Variants in CDC7 observed in about 807,000 individuals in gnomAD.
CDC7 encodes cell division cycle 7.
A neutral mutation model predicts 53.5 loss-of-function variants in CDC7; 34 were observed. The observed-to-expected ratio is 0.64, with a 90% confidence interval of 0.48 to 0.85. The LOEUF is 0.85. CDC7 is among the 40% of genes least tolerant of loss of function. CDC7 has a pLI of 0.00. For synonymous variants in CDC7, 211 were observed against 222.8 expected (o/e 0.95, Z 0.47); for missense variants, 594 against 679.7 (o/e 0.87, Z 1.40).
rs768854367 is a variant in CDC7 at position 91,508,394 on chromosome 1, C to T, written c.332C>T (p.Ala111Val). ...IAAELQCLTVAGGQDNVMGVK... is the reference protein window; with the variant it reads ...IAAELQCLTVVGGQDNVMGVK... ...GCTGAACTTCAGTGCCTAACAGTGGCTGGGTAGGCAATTTAAACATATTTT... is the reference window on the plus strand; with the variant it reads ...GCTGAACTTCAGTGCCTAACAGTGGTTGGGTAGGCAATTTAAACATATTTT... The change falls in exon 4 of 12, where the codon GCT becomes GTT. Residue 111 changes from alanine (A) to valine (V), a missense_variant. Physicochemically the swap from Ala to Val is moderately conservative, Grantham distance 64. Coordinates refer to ENST00000234626, the MANE Select transcript of CDC7 (RefSeq NM_003503.4). The T allele has an allele frequency of 7.5e-6, 12 of 1,605,310 alleles. No individual in the cohort carries two copies. In the Admixed American group the frequency reaches 8.6e-5, roughly 11 times the overall value.
intron 10 of CDC7, among the ~76,000 whole-genome samples, chr1:91,517,917 G>A (rs557477347): frequency 6.8e-4 from 103 of 151,902 alleles, no homozygotes; most frequent in Admixed American, 1.6e-3. Context: ...CCAATATGGC[G>A]AAATCCCGTC....
intron 10 of CDC7, among the ~76,000 whole-genome samples, chr1:91,517,073 G>C (rs1309292699): frequency 1.3e-5 from 2 of 151,946 alleles, no homozygotes; most frequent in African/African-American, 4.8e-5. Flanking sequence ...AAAAAAAAAA[G>C]TCCAATTTTG....
chr1:91,507,819 T>C, intron 2 of CDC7, 35 bp from the exon 3 acceptor site: 1 of 1,203,736 alleles, frequency 8.3e-7, no homozygotes, highest in South Asian at 1.4e-5. Context: ...TATACTGTCA[T>C]TGATTAAAAC....
At chr1:91,520,599 T>G (rs1667886531) in intron 11 of CDC7, among the ~76,000 whole-genome samples, 1 of 152,238 alleles carries the variant, frequency 6.6e-6, no homozygotes, top group Admixed American at 6.5e-5. Context: ...AATTTACCTT[T>G]TATTAAAGGC....
chr1:91,503,469 T>C (rs1328934116), intron 2 of CDC7, among the ~76,000 whole-genome samples: 1 of 152,222 alleles, frequency 6.6e-6, no homozygotes, highest in Non-Finnish European at 1.5e-5. Context: ...TCATCAACTT[T>C]ACTCCTTATT....
chr1:91,518,092 T>TAAAA (rs1557598618), intron 10 of CDC7, among the ~76,000 whole-genome samples: 1 of 944 alleles, frequency 1.1e-3, no homozygotes, highest in Non-Finnish European at 7.5e-3. Context: ...AGACTCAGTC[T>TAAAA]CAAAAAAAAA....
Position 91,517,156 on chromosome 1 carries a change from A to C in CDC7, c.1180+1280A>C, listed in dbSNP as rs564473833. 1.1e-4 allele frequency among the ~76,000 whole-genome samples: 17 copies of C among 152,326 alleles called. 1 individual carries two copies. In the East Asian group the frequency reaches 1.4e-3, roughly 12 times the overall value. On this transcript the variant is annotated intron_variant, in intron 10 of 11. Transcript: ENST00000234626. ...AATGAGGTAGACAAGGTCAGACCACAGTTGTTACAGTTTGGACTATATACT... is the reference window on the plus strand; with the variant it reads ...AATGAGGTAGACAAGGTCAGACCACCGTTGTTACAGTTTGGACTATATACT...
chr1:91,502,470 G>A (rs998924756), intron 2 of CDC7, among the ~76,000 whole-genome samples: 18 of 151,922 alleles, frequency 1.2e-4, no homozygotes, highest in Admixed American at 1.2e-3. Context: ...TGAAAGGGTA[G>A]CCAGATCATC....
At chr1:91,518,306 A>G (rs184205719) in intron 10 of CDC7, among the ~76,000 whole-genome samples, 6 of 152,248 alleles carry the variant, frequency 3.9e-5, no homozygotes, top group Admixed American at 3.3e-4. Context: ...AATTAGTACA[A>G]CCACTATGGA....
intron 11 of CDC7, 65 bp from the exon 12 acceptor site, chr1:91,523,976 C>T: frequency 1.6e-6 from 2 of 1,236,628 alleles, no homozygotes; most frequent in Non-Finnish European, 1.1e-6. Context: ...ATGAGAGAGG[C>T]TTCTGATATA....
chr1:91,524,648 ACCTACCTAAGT>A lies in CDC7; in HGVS notation c.*214_*224del. On this transcript the variant is annotated 3_prime_UTR_variant, in exon 12 of 12. Transcript: ENST00000234626. The stretch of plus-strand genomic sequence containing the variant: ...AACAACATGATCTTCTTTGAGTTAA[ACCTACCTAAGT>A]AGATTTTAGGTGGGTTCCTATTAGG... 1 of 483,958 alleles carries A rather than the reference ACCTACCTAAGT, an allele frequency of 2.1e-6. No homozygotes were observed. Among genetic ancestry groups the A allele is most frequent in the Non-Finnish European group, 3.6e-6 (1 of 278,438 alleles). The allele number at this position is 483,958 out of a possible 1,614,324, so 30.0% of individuals were successfully genotyped here. A position where few individuals can be genotyped will look rare whatever the true frequency, so the allele number is the denominator to read the frequency against.
In CDC7 at chr1:91,515,687, A is replaced by G. The variant is rs896543666; in HGVS notation, c.1098-107A>G. 5.5e-6 allele frequency: 7 copies of G among 1,267,200 alleles called. No individual in the cohort carries two copies. In the African/African-American group the frequency reaches 7.6e-5, roughly 14 times the overall value. The allele number at this position is 1,267,200 out of a possible 1,614,324, so 78.5% of individuals were successfully genotyped here. ...TTTACTTTATAGTAACACTTATTATATAGGTATCAAGGCAAAATTTACTGT... is the reference window on the plus strand; with the variant it reads ...TTTACTTTATAGTAACACTTATTATGTAGGTATCAAGGCAAAATTTACTGT... On this transcript the variant is annotated intron_variant, in intron 9 of 11. Transcript: ENST00000234626.
Position 91,513,179 on chromosome 1 carries a change from A to G in CDC7, c.694A>G (p.Thr232Ala). ...TTCACAAAACAAATCCCACATAATC[A>G]CAGGAAACAAGATTCCACTGAGTGG... The part of the protein sequence containing the change: ...RCSQNKSHII[T>A]GNKIPLSGPV... Residue 232 changes from threonine to alanine, a missense_variant, in exon 7 of 12, where the codon ACA becomes GCA. Physicochemically the swap from Thr to Ala is moderately conservative, Grantham distance 58 (BLOSUM62 0). Transcript: ENST00000234626. 6.2e-7 allele frequency: 1 copy of G among 1,613,860 alleles called. No individual in the cohort carries two copies. Among genetic ancestry groups the G allele is most frequent in the Non-Finnish European group, 8.5e-7 (1 of 1,179,842 alleles).
chr1:91,516,379 T>G (rs1667560478), intron 10 of CDC7, among the ~76,000 whole-genome samples: 1 of 152,150 alleles, frequency 6.6e-6, no homozygotes, highest in East Asian at 1.9e-4. Context: ...GAAAAATGTC[T>G]TCCGTAATCT....
At chr1:91,516,537 G>A (rs13447523) in intron 10 of CDC7, among the ~76,000 whole-genome samples, 43,216 of 151,902 alleles carry the variant, frequency 0.28, 6,392 homozygotes, top group East Asian at 0.48. Flanking sequence ...AAATAAATGA[G>A]ACCATCTGTT....
intron 10 of CDC7, among the ~76,000 whole-genome samples, chr1:91,516,721 A>G (rs1446506156): frequency 6.6e-6 from 1 of 152,236 alleles, no homozygotes; most frequent in Non-Finnish European, 1.5e-5. Flanking sequence ...AGAAGTTAGC[A>G]TAGAGGCATG....
chr1:91,518,824 C>T (rs1667742875), intron 10 of CDC7, among the ~76,000 whole-genome samples: 1 of 152,020 alleles, frequency 6.6e-6, no homozygotes, highest in Non-Finnish European at 1.5e-5. Flanking sequence ...CTTTGGGAGG[C>T]CAAGGCAGGT....
At chr1:91,509,338 A>C (rs978961723) in intron 4 of CDC7, among the ~76,000 whole-genome samples, 1 of 151,592 alleles carries the variant, frequency 6.6e-6, no homozygotes, top group African/African-American at 2.4e-5. Context: ...TAAATATCTC[A>C]AACCTAAAAG....
At chr1:91,502,748 CATTA>C (rs1368628676) in intron 2 of CDC7, among the ~76,000 whole-genome samples, 3 of 152,164 alleles carry the variant, frequency 2.0e-5, no homozygotes, top group Admixed American at 6.5e-5. Flanking sequence ...ATTTCCACCA[CATTA>C]ATTAATTTCC....
Sources: gnomAD v4.1 joint callset for allele counts (sites outside exome capture counted in the v4.1 genomes callset) on GRCh38, gnomAD v4.1.1 for gene constraint, MANE v1.5 for transcripts, NCBI Gene and HGNC (gene_info 2026-07-23, HGNC 2026-07-21) for gene names.